NRG1: variants seen among roughly 807,000 people sequenced by gnomAD.
NRG1 encodes neuregulin 1, also known as pro-neuregulin-1, membrane-bound isoform.
NRG1 carries 18 observed loss-of-function variants against 63.8 expected under a neutral mutation model. The observed-to-expected ratio is 0.28, with a 90% confidence interval of 0.19 to 0.42. The LOEUF (loss-of-function observed/expected upper bound fraction) is 0.42, where lower values mean the gene tolerates loss of function less well. NRG1 is among the 10% of genes least tolerant of loss of function. The probability of loss-of-function intolerance (pLI) is 1.00; values close to 1 mark genes in which losing one functional copy is unlikely to be tolerated. For synonymous variants in NRG1, 302 were observed against 301.3 expected, an observed-to-expected ratio of 1.00 and a Z score of -0.02; for missense variants, 762 against 814.7, an observed-to-expected ratio of 0.94 and a Z score of 0.79.
chr8:32,503,987 G>C (rs1021724956), intron 1 of NRG1, among the ~76,000 whole-genome samples: 9 of 152,126 alleles, frequency 5.9e-5, no homozygotes, highest in Admixed American at 2.6e-4. Flanking sequence ...CAAAGGGTCC[G>C]CATGCACAGT....
At chr8:32,614,086 C>T (rs1212836647) in intron 3 of NRG1, among the ~76,000 whole-genome samples, 2 of 152,068 alleles carry the variant, frequency 1.3e-5, no homozygotes, top group African/African-American at 2.4e-5. Flanking sequence ...TAATTAGAAA[C>T]ATGGCTTACT....
In NRG1 at chr8:32,201,372, T is replaced by C. The variant is rs147915440; in HGVS notation, c.38-394456T>C. ...CAATAGGTGCCGGACTCTGCAGTTA[T>C]GGTTCTAGATAGTACAAAATTTCCT... On this transcript the variant is annotated intron_variant, in intron 1 of 10. Transcript: ENST00000519301. Among the ~76,000 whole-genome samples the C allele has an allele frequency of 3.4e-3, 523 of 152,334 alleles. 3 individuals are homozygous for C. Among genetic ancestry groups the C allele is most frequent in the African/African-American group, 0.012 (507 of 41,576 alleles).
chr8:32,217,076 G>T (rs960621889), intron 1 of NRG1, among the ~76,000 whole-genome samples: 5 of 151,792 alleles, frequency 3.3e-5, no homozygotes, highest in Admixed American at 2.6e-4. Flanking sequence ...AGCCGGGCGT[G>T]GTGGCACATG....
chr8:32,461,865 T>C (rs1445754012), intron 1 of NRG1, among the ~76,000 whole-genome samples: 1 of 152,152 alleles, frequency 6.6e-6, no homozygotes, highest in Non-Finnish European at 1.5e-5. Context: ...GCCTTAGATA[T>C]CTAATAACTA....
At chr8:32,586,371 A>C (rs1381043728) in intron 1 of NRG1, among the ~76,000 whole-genome samples, 3 of 152,126 alleles carry the variant, frequency 2.0e-5, no homozygotes, top group African/African-American at 7.2e-5. Context: ...AGAGATTGCT[A>C]ATTTCAATAA....
Position 32,460,396 on chromosome 8 carries a change from C to T in NRG1, c.38-135432C>T, listed in dbSNP as rs573635970. 2.6e-5 allele frequency among the ~76,000 whole-genome samples: 4 copies of T among 152,302 alleles called. No individual in the cohort carries two copies. In the South Asian group the frequency reaches 8.3e-4, roughly 32 times the overall value. ...GCTGTAAGCATTAAGATTGACTGTA[C>T]ACGACCTGTTAAAACCATTTTCTGG... On this transcript the variant is annotated intron_variant, in intron 1 of 10. Transcript: ENST00000519301.
intron 4 of NRG1, among the ~76,000 whole-genome samples, chr8:32,616,553 T>C (rs576345354): frequency 6.6e-6 from 1 of 152,202 alleles, no homozygotes; most frequent in Non-Finnish European, 1.5e-5. Context: ...CTCCTCAGAG[T>C]AGTCTCTCTT....
At chr8:32,598,560 C>G (rs1843759428) in intron 2 of NRG1, among the ~76,000 whole-genome samples, 1 of 151,926 alleles carries the variant, frequency 6.6e-6, no homozygotes, top group Non-Finnish European at 1.5e-5. Context: ...TCCCATTATA[C>G]CAGAAAGGGC....
intron 1 of NRG1, among the ~76,000 whole-genome samples, chr8:31,779,393 A>G (rs1048413629): frequency 2.0e-5 from 3 of 151,998 alleles, no homozygotes; most frequent in Non-Finnish European, 4.4e-5. Flanking sequence ...ATTTTGCTAC[A>G]GATTGCAGGC....
At chr8:32,248,198 G>A (rs1025429041) in intron 1 of NRG1, among the ~76,000 whole-genome samples, 1 of 151,992 alleles carries the variant, frequency 6.6e-6, no homozygotes, top group Admixed American at 6.6e-5. Context: ...ATGCCTTGTA[G>A]AATCTCATTC....
intron 1 of NRG1, among the ~76,000 whole-genome samples, chr8:32,115,619 A>G (rs910644464): frequency 1.3e-5 from 2 of 152,146 alleles, no homozygotes; most frequent in Non-Finnish European, 2.9e-5. Flanking sequence ...GGAAATCCGC[A>G]TGTAAGTGGA....
intron 5 of NRG1, among the ~76,000 whole-genome samples, chr8:32,727,050 C>G (rs1342577825): frequency 6.6e-6 from 1 of 151,878 alleles, no homozygotes; most frequent in Non-Finnish European, 1.5e-5. Flanking sequence ...TGAGTATTGC[C>G]CATGGTGTTC....
At chr8:32,024,176 G>A (rs190999284) in intron 1 of NRG1, among the ~76,000 whole-genome samples, 179 of 152,318 alleles carry the variant, frequency 1.2e-3, no homozygotes, top group African/African-American at 4.1e-3. Flanking sequence ...TTTGATTCCA[G>A]TTGAAAACTT....
chr8:32,112,986 T>C (rs748216259), intron 1 of NRG1, among the ~76,000 whole-genome samples: 5 of 152,096 alleles, frequency 3.3e-5, no homozygotes, highest in African/African-American at 4.8e-5. Flanking sequence ...TAAATGAAAA[T>C]TGGGACCCTT....
chr8:32,378,581 C>T (rs1020289844), intron 1 of NRG1, among the ~76,000 whole-genome samples: 3 of 152,094 alleles, frequency 2.0e-5, no homozygotes, highest in Admixed American at 6.6e-5. Flanking sequence ...TCTTGGAGTA[C>T]TTAAGTGCAA....
At chr8:31,733,801 C>T (rs1381803704) in intron 1 of NRG1, among the ~76,000 whole-genome samples, 1 of 152,114 alleles carries the variant, frequency 6.6e-6, no homozygotes, top group Non-Finnish European at 1.5e-5. Context: ...TCTGCCCCCC[C>T]GCCCACATGA....
intron 1 of NRG1, among the ~76,000 whole-genome samples, chr8:32,272,255 C>T (rs761778118): frequency 2.0e-5 from 3 of 152,150 alleles, no homozygotes; most frequent in Non-Finnish European, 4.4e-5. Context: ...TGGCAGCCTT[C>T]TCCCTGTTCC....
chr8:31,885,695 T>C (rs2129613274), intron 1 of NRG1, among the ~76,000 whole-genome samples: 1 of 152,186 alleles, frequency 6.6e-6, no homozygotes, highest in African/African-American at 2.4e-5. Flanking sequence ...CCTAGTACAG[T>C]TAGTATGTCC....
intron 5 of NRG1, among the ~76,000 whole-genome samples, chr8:32,681,509 C>G (rs1226716164): frequency 6.6e-6 from 1 of 152,034 alleles, no homozygotes; most frequent in Non-Finnish European, 1.5e-5. Flanking sequence ...CTAAAGATAG[C>G]AAAGTGTTGT....
Sources: allele counts gnomAD v4.1 joint callset (sites outside exome capture counted in the v4.1 genomes callset), GRCh38; gene constraint gnomAD v4.1.1; transcripts MANE v1.5; gene names NCBI Gene and HGNC (gene_info 2026-07-23, HGNC 2026-07-21).